CNTN6: variants seen among roughly 807,000 people sequenced by gnomAD.
The protein encoded by CNTN6 is contactin-6.
In CNTN6, 137 loss-of-function variants were observed where a neutral mutation model predicts 122.8. That is an observed-to-expected ratio of 1.12 (90% CI 0.97 to 1.29). CNTN6 has a LOEUF of 1.29. CNTN6 is among the 50% of genes most tolerant of loss of function. The pLI is 0.00. For missense variants in CNTN6, 1,634 were observed against 1,223.4 expected (o/e 1.34, Z -5.01); for synonymous variants, 570 against 426.0 (o/e 1.34, Z -4.16).
chr3:1,106,419 C>G (rs2091224251), intron 1 of CNTN6, among the ~76,000 whole-genome samples: 1 of 151,954 alleles, frequency 6.6e-6, no homozygotes, highest in Non-Finnish European at 1.5e-5. Flanking sequence ...AGGTGTTTGA[C>G]TTTGCCAAAG....
At chr3:1,112,923 G>T (rs1454361044) in intron 1 of CNTN6, among the ~76,000 whole-genome samples, 4 of 152,104 alleles carry the variant, frequency 2.6e-5, no homozygotes, top group Non-Finnish European at 5.9e-5. Flanking sequence ...CAGAAGAGAT[G>T]AATGAAAGAG....
intron 4 of CNTN6, among the ~76,000 whole-genome samples, chr3:1,257,041 T>A (rs1001706622): frequency 1.3e-5 from 2 of 152,132 alleles, no homozygotes; most frequent in Non-Finnish European, 2.9e-5. Flanking sequence ...CCTCTTGATA[T>A]TATGTATTGC....
Position 1,383,348 on chromosome 3 carries a change from G to A in CNTN6, c.2457G>A (p.Met819Ile), listed in dbSNP as rs184122073. Residue 819 changes from methionine to isoleucine, a missense_variant, in exon 19 of 23, where the codon ATG becomes ATA. Physicochemically the swap from Met to Ile is conservative, Grantham distance 10. Coordinates refer to ENST00000446702, the MANE Select transcript of CNTN6 (RefSeq NM_001289080.2). ...TSLQSFSASEMEVSWNAIAWN... is the reference protein window; with the variant it reads ...TSLQSFSASEIEVSWNAIAWN... ...TCCAGAGTTTTTCTGCTTCTGAAAT[G>A]GAGGTTTCATGGAATGCTATTGCCT... 96 of 1,613,940 alleles carry A rather than the reference G, an allele frequency of 5.9e-5. No homozygotes were observed. The highest frequency in any genetic ancestry group is 7.8e-5 in the Non-Finnish European group (92 of 1,179,928).
intron 12 of CNTN6, among the ~76,000 whole-genome samples, chr3:1,370,013 CCTCT>C (rs1708782845): frequency 6.6e-6 from 1 of 151,624 alleles, no homozygotes; most frequent in African/African-American, 2.4e-5. Context: ...ATAATGATTC[CCTCT>C]CTTTCTCTTA....
At chr3:1,272,514 T>C (rs1214656170) in intron 4 of CNTN6, among the ~76,000 whole-genome samples, 2 of 150,274 alleles carry the variant, frequency 1.3e-5, no homozygotes, top group Non-Finnish European at 3.0e-5. Flanking sequence ...ATGAAATAAT[T>C]CATACATAGT....
Position 1,329,942 on chromosome 3 carries a change from A to G in CNTN6, c.1364+7A>G. The G allele has an allele frequency of 6.6e-7, 1 of 1,525,616 alleles. No individual in the cohort carries two copies. 94.5% of individuals were successfully genotyped at this position (1,525,616 alleles called of 1,614,324 possible). On this transcript the variant is annotated splice_region_variant and intron_variant, in intron 11 of 22. Transcript: ENST00000446702. ...CCCTTAGACAAAGCAAAAGGTAAAC[A>G]AATCTTTATTTTTAAAAATATTTTT...
chr3:1,312,654 C>A (rs1699545869), intron 7 of CNTN6, among the ~76,000 whole-genome samples: 1 of 148,884 alleles, frequency 6.7e-6, no homozygotes. Context: ...GGTTGCAAGA[C>A]ACATTAGTTC....
intron 2 of CNTN6, among the ~76,000 whole-genome samples, chr3:1,154,448 C>CTTTTCTTTTCTTTTCTTTTTT (rs1575043271): frequency 7.1e-6 from 1 of 140,478 alleles, no homozygotes; most frequent in African/African-American, 2.8e-5. Flanking sequence ...TCTTTTCTTT[C>CTTTTCTTTTCTTTTCTTTTTT]TTTTTTTTTT....
At chr3:1,389,886 A>G (rs1693838759) in intron 20 of CNTN6, among the ~76,000 whole-genome samples, 1 of 151,728 alleles carries the variant, frequency 6.6e-6, no homozygotes, top group African/African-American at 2.4e-5. Context: ...TGCACCCAAT[A>G]CAGGAGCACC....
rs547304337 is a variant in CNTN6 at position 1,354,198 on chromosome 3, A to G, written c.1492+1747A>G. On this transcript the variant is annotated intron_variant, in intron 12 of 22. Coordinates refer to ENST00000446702, the MANE Select transcript of CNTN6 (RefSeq NM_001289080.2). ...ACTGCATTCTGGATGTAACATTTGC[A>G]TATTTCAGATGTGTAATATAGCCAT... Among the ~76,000 whole-genome samples, 34 of 151,524 alleles carry G rather than the reference A, an allele frequency of 2.2e-4. 1 individual carries two copies. Among genetic ancestry groups the G allele is most frequent in the African/African-American group, 8.0e-4 (33 of 41,468 alleles).
chr3:1,154,947 G>C (rs1038097498), intron 2 of CNTN6, among the ~76,000 whole-genome samples: 1 of 152,046 alleles, frequency 6.6e-6, no homozygotes, highest in Non-Finnish European at 1.5e-5. Flanking sequence ...ATTGTTCTCT[G>C]CTTAGGGTCT....
chr3:1,358,182 C>A (rs1706890973), intron 12 of CNTN6, among the ~76,000 whole-genome samples: 1 of 151,938 alleles, frequency 6.6e-6, no homozygotes, highest in East Asian at 1.9e-4. Context: ...AATAAAAAAA[C>A]ACTTCAACCG....
intron 1 of CNTN6, among the ~76,000 whole-genome samples, chr3:1,122,655 G>A (rs6782048): frequency 0.47 from 71,362 of 151,616 alleles, 17,505 homozygotes; most frequent in African/African-American, 0.58. Flanking sequence ...CTCTGCCTAT[G>A]TAGATTTATC....
intron 4 of CNTN6, among the ~76,000 whole-genome samples, chr3:1,242,947 G>A (rs2094506457): frequency 6.6e-6 from 1 of 152,124 alleles, no homozygotes; most frequent in African/African-American, 2.4e-5. Context: ...AAGGTAATGT[G>A]GAGTGGGTAG....
chr3:1,095,885 G>C (rs1401644037), intron 1 of CNTN6, among the ~76,000 whole-genome samples: 1 of 152,044 alleles, frequency 6.6e-6, no homozygotes, highest in Non-Finnish European at 1.5e-5. Context: ...AATTTGTAAG[G>C]AATTATCCTT....
intron 4 of CNTN6, among the ~76,000 whole-genome samples, chr3:1,277,730 C>G (rs1692673460): frequency 6.6e-6 from 1 of 152,012 alleles, no homozygotes; most frequent in Non-Finnish European, 1.5e-5. Flanking sequence ...AACTGAGGCT[C>G]AAAGAAGTTA....
At chr3:1,195,441 G>C (rs900918955) in intron 2 of CNTN6, among the ~76,000 whole-genome samples, 5 of 152,120 alleles carry the variant, frequency 3.3e-5, no homozygotes, top group African/African-American at 1.2e-4. Flanking sequence ...TGGCCAGTAT[G>C]GAATATGAAT....
chr3:1,165,949 A>G (rs1172685508), intron 2 of CNTN6, among the ~76,000 whole-genome samples: 1 of 152,156 alleles, frequency 6.6e-6, no homozygotes, highest in Admixed American at 6.6e-5. Flanking sequence ...CCACTCCAAA[A>G]TCAGTAAGTC....
rs747958038 is a variant in CNTN6 at position 1,385,634 on chromosome 3, C to CAAAG, written c.2544_2547dup (p.Ser850ArgfsTer6). On this transcript the variant is annotated frameshift_variant, in exon 20 of 23. Coordinates refer to ENST00000446702, the MANE Select transcript of CNTN6 (RefSeq NM_001289080.2). LOFTEE classifies it high-confidence loss of function. ...AGGTCTTATACTGGACAGATGACTCCAAAGAATCCATGATAGGTAAAATTA... is the reference window on the plus strand; with the variant it reads ...AGGTCTTATACTGGACAGATGACTCCAAAGAAAGAATCCATGATAGGTAAAATTA... The CAAAG allele has an allele frequency of 2.0e-5, 33 of 1,613,532 alleles. No homozygotes were observed. Among genetic ancestry groups the CAAAG allele is most frequent in the South Asian group, 3.3e-5 (3 of 91,036 alleles).
Sources: gnomAD v4.1 joint callset for allele counts (sites outside exome capture counted in the v4.1 genomes callset) on GRCh38, gnomAD v4.1.1 for gene constraint, MANE v1.5 for transcripts, NCBI Gene and HGNC (gene_info 2026-07-23, HGNC 2026-07-21) for gene names.